STK39: variants seen among roughly 807,000 people sequenced by gnomAD.
STK39 encodes STE20/SPS1-related proline-alanine-rich protein kinase.
STK39 carries 20 observed loss-of-function variants against 77.8 expected under a neutral mutation model. That is an observed-to-expected ratio of 0.26 (90% CI 0.18 to 0.37). The LOEUF (loss-of-function observed/expected upper bound fraction) is 0.37, where lower values mean the gene tolerates loss of function less well. Among genes scored for constraint, STK39 ranks in the 10% least tolerant of loss-of-function variants. The probability of loss-of-function intolerance (pLI) is 1.00; values close to 1 mark genes in which losing one functional copy is unlikely to be tolerated. For missense variants in STK39, 479 were observed against 656.5 expected, an observed-to-expected ratio of 0.73 and a Z score of 2.95; for synonymous variants, 246 against 234.1, an observed-to-expected ratio of 1.05 and a Z score of -0.47.
At chr2:167,971,844 C>G (rs1214535176) in intron 16 of STK39, among the ~76,000 whole-genome samples, 1 of 152,214 alleles carries the variant, frequency 6.6e-6, no homozygotes, top group Middle Eastern at 3.2e-3. Flanking sequence ...AAGTCTCTCT[C>G]AGTTAAAAAT....
At chr2:168,231,567 AC>A (rs907605984) in intron 1 of STK39, among the ~76,000 whole-genome samples, 2 of 151,740 alleles carry the variant, frequency 1.3e-5, no homozygotes, top group African/African-American at 2.4e-5. Context: ...GTGTAGCTTC[AC>A]AGTCAACTCC....
chr2:168,105,904 T>A (rs1686958347), intron 10 of STK39, among the ~76,000 whole-genome samples: 1 of 152,240 alleles, frequency 6.6e-6, no homozygotes, highest in Non-Finnish European at 1.5e-5. Flanking sequence ...GGGTTTCATT[T>A]AAGGCAGGGT....
chr2:168,072,224 T>A (rs1222301290), intron 12 of STK39, among the ~76,000 whole-genome samples: 1 of 152,168 alleles, frequency 6.6e-6, no homozygotes, highest in Non-Finnish European at 1.5e-5. Context: ...CATATTAGTA[T>A]GGAAAGAAAC....
intron 1 of STK39, among the ~76,000 whole-genome samples, chr2:168,192,270 C>T (rs1174765533): frequency 1.3e-5 from 2 of 152,062 alleles, no homozygotes; most frequent in Non-Finnish European, 2.9e-5. Flanking sequence ...TGACTACCAA[C>T]CCAACACCAC....
At chr2:168,081,554 T>C (rs1686231674) in intron 10 of STK39, among the ~76,000 whole-genome samples, 1 of 152,176 alleles carries the variant, frequency 6.6e-6, no homozygotes, top group African/African-American at 2.4e-5. Context: ...AGATGAGATG[T>C]TGGACTGTGG....
At position 168,075,243 on chromosome 2, in the gene STK39, C is replaced by T. The variant is rs751729421; in HGVS notation, c.1090-12G>A. 4.3e-6 allele frequency: 7 copies of T among 1,613,284 alleles called. No homozygotes were observed. Among genetic ancestry groups the T allele is most frequent in the Admixed American group, 3.3e-5 (2 of 60,006 alleles). On this transcript the variant is annotated splice_polypyrimidine_tract_variant and intron_variant, in intron 10 of 17. Transcript: ENST00000355999. ...GGAACTCTTCTTACCTGAATCAAAACAAGCCCACACAATTCTTCACTAGTC... is the reference window on the plus strand; with the variant it reads ...GGAACTCTTCTTACCTGAATCAAAATAAGCCCACACAATTCTTCACTAGTC...
intron 8 of STK39, among the ~76,000 whole-genome samples, chr2:168,134,050 C>T (rs1687770206): frequency 2.0e-5 from 3 of 152,176 alleles, no homozygotes; most frequent in African/African-American, 2.4e-5. Flanking sequence ...TAGCTGAGTA[C>T]TACAGAAGAA....
chr2:168,017,010 G>A lies in STK39; in HGVS notation c.1429+33C>T, dbSNP rs187368587. 606 of 1,539,528 alleles carry A rather than the reference G, an allele frequency of 3.9e-4. 5 individuals carry two copies. In the African/African-American group the frequency reaches 7.6e-3, roughly 19 times the overall value. ...AATCAATTTCTGCAATGCTCTTTGAGGCAATAAAATAATAACTTCAATTAA... is the reference window on the plus strand; with the variant it reads ...AATCAATTTCTGCAATGCTCTTTGAAGCAATAAAATAATAACTTCAATTAA... On this transcript the variant is annotated intron_variant, in intron 15 of 17. Coordinates refer to ENST00000355999, the MANE Select transcript of STK39 (RefSeq NM_013233.3).
intron 16 of STK39, among the ~76,000 whole-genome samples, chr2:168,010,807 T>C (rs1213933611): frequency 6.6e-6 from 1 of 152,234 alleles, no homozygotes; most frequent in Non-Finnish European, 1.5e-5. Context: ...TAGTCAGAAT[T>C]CTAATCTCCC....
intron 2 of STK39, among the ~76,000 whole-genome samples, chr2:168,179,985 T>C (rs1390237322): frequency 6.6e-6 from 1 of 150,786 alleles, no homozygotes; most frequent in Non-Finnish European, 1.5e-5. Context: ...GCCTTACACA[T>C]ATTCTGTATC....
intron 16 of STK39, among the ~76,000 whole-genome samples, chr2:168,010,362 T>C (rs1432849846): frequency 1.4e-5 from 2 of 147,942 alleles, no homozygotes; most frequent in African/African-American, 5.4e-5. Context: ...AGAGTGTTCA[T>C]CTTCATCAAG....
intron 14 of STK39, among the ~76,000 whole-genome samples, chr2:168,018,689 A>T (rs1684495739): frequency 6.6e-6 from 1 of 152,172 alleles, no homozygotes; most frequent in African/African-American, 2.4e-5. Flanking sequence ...CCATCCCTGA[A>T]CATCCTCCTG....
chr2:168,109,879 T>C (rs1687076191), intron 10 of STK39, among the ~76,000 whole-genome samples: 1 of 152,230 alleles, frequency 6.6e-6, no homozygotes, highest in African/African-American at 2.4e-5. Flanking sequence ...TACCTGTTTT[T>C]TGTGTGTTTA....
Position 168,129,722 on chromosome 2 carries a change from G to A in STK39, c.1011C>T (p.Phe337=), listed in dbSNP as rs1310298466. 6.2e-7 allele frequency: 1 copy of A among 1,613,998 alleles called. No homozygotes were observed. The highest frequency in any genetic ancestry group is 8.5e-7 in the Non-Finnish European group (1 of 1,179,940). ...TAAELLKCKF[F]QKAKNREYLI... ...TTAAGCATGTTACCTTGGCTTTCTG[G>A]AAGAATTTGCATTTTAAAAGTTCTG... The change falls in exon 9 of 18, where the codon TTC becomes TTT. Residue 337 remains phenylalanine, a synonymous_variant. Transcript: ENST00000355999.
intron 10 of STK39, among the ~76,000 whole-genome samples, chr2:168,126,453 C>T (rs1372048943): frequency 6.6e-6 from 1 of 152,298 alleles, no homozygotes. Flanking sequence ...CATTTCATTG[C>T]ACAGGGTGAT....
At chr2:167,988,891 G>T (rs980520362) in intron 16 of STK39, among the ~76,000 whole-genome samples, 1 of 152,208 alleles carries the variant, frequency 6.6e-6, no homozygotes, top group African/African-American at 2.4e-5. Context: ...TGCTTTATGG[G>T]AAGGGCAGCA....
rs199600713 is a variant in STK39, at chr2:168,140,400, A to C, written c.739-10T>G. On this transcript the variant is annotated splice_polypyrimidine_tract_variant and intron_variant, in intron 6 of 17. Coordinates refer to ENST00000355999, the MANE Select transcript of STK39 (RefSeq NM_013233.3). ...AGTCATAGCCTCTCACCTAAGAAAG[A>C]AAGCAGGAAAAAAACACAATCATAC... 2.5e-5 allele frequency: 40 copies of C among 1,611,296 alleles called. No homozygotes were observed. Among genetic ancestry groups the C allele is most frequent in the South Asian group, 7.7e-5 (7 of 91,028 alleles).
chr2:168,199,531 C>CTTT (rs368936391), intron 1 of STK39, among the ~76,000 whole-genome samples: 3 of 144,520 alleles, frequency 2.1e-5, no homozygotes, highest in Non-Finnish European at 3.1e-5. Flanking sequence ...TGCATTTTAA[C>CTTT]TTTTTTTTTT....
chr2:168,152,777 C>T (rs543879193), intron 5 of STK39, among the ~76,000 whole-genome samples: 1 of 152,208 alleles, frequency 6.6e-6, no homozygotes, highest in South Asian at 2.1e-4. Flanking sequence ...CTTCTAAAGT[C>T]AGCGAGGGCT....
Sources: gnomAD v4.1 joint callset for allele counts (sites outside exome capture counted in the v4.1 genomes callset) on GRCh38, gnomAD v4.1.1 for gene constraint, MANE v1.5 for transcripts, NCBI Gene and HGNC (gene_info 2026-07-23, HGNC 2026-07-21) for gene names.